Variants in SMOC2 observed in about 807,000 individuals in gnomAD.
SMOC2 encodes the protein SPARC-related modular calcium-binding protein 2.
A neutral mutation model predicts 61.4 loss-of-function variants in SMOC2; 39 were observed. The ratio of observed to expected loss-of-function variants is 0.64; its 90% CI spans 0.49 to 0.83. The LOEUF (loss-of-function observed/expected upper bound fraction) is 0.83. Among genes scored for constraint, SMOC2 ranks in the 40% least tolerant of loss-of-function variants. SMOC2 has a pLI of 0.00. For missense variants in SMOC2, 556 were observed against 592.9 expected, an observed-to-expected ratio of 0.94 and a Z score of 0.65; for synonymous variants, 247 against 239.9, an observed-to-expected ratio of 1.03 and a Z score of -0.27.
chr6:168,442,796 ATTC>A (rs766143768), intron 1 of SMOC2, among the ~76,000 whole-genome samples: 31 of 152,162 alleles, frequency 2.0e-4, no homozygotes, highest in Non-Finnish European at 4.3e-4. Flanking sequence ...CATACCTCAA[ATTC>A]TTCTGCAGCA....
intron 8 of SMOC2, among the ~76,000 whole-genome samples, chr6:168,605,962 G>T (rs1481240588): frequency 6.6e-6 from 1 of 152,146 alleles, no homozygotes; most frequent in East Asian, 1.9e-4. Context: ...CCCTTCATAA[G>T]CCCTCGGGCA....
intron 2 of SMOC2, among the ~76,000 whole-genome samples, chr6:168,518,329 G>C (rs1783198215): frequency 6.6e-6 from 1 of 152,028 alleles, no homozygotes. Context: ...TTGCATGTGT[G>C]TATGCCTGAG....
At chr6:168,483,823 C>T (rs1782267417) in intron 1 of SMOC2, among the ~76,000 whole-genome samples, 3 of 152,072 alleles carry the variant, frequency 2.0e-5, no homozygotes. Flanking sequence ...ACAAGAGTTC[C>T]AAGGCCATTC....
chr6:168,475,506 G>A lies in SMOC2; in HGVS notation c.84+34052G>A, dbSNP rs1782058579. On this transcript the variant is annotated intron_variant, in intron 1 of 12. Coordinates refer to ENST00000356284, the MANE Select transcript of SMOC2 (RefSeq NM_001166412.2). The surrounding 1 kb of genome is among the most constrained non-coding windows in gnomAD (Gnocchi z 4.6). ...GGGCTCTGAGCAAGACGGGTGAGAT[G>A]TTCTGTAAACCTGTGGCAGGCTGGG... is the stretch of plus-strand genomic sequence containing the variant. Among the ~76,000 whole-genome samples, 1 of 152,132 alleles carries A rather than the reference G, an allele frequency of 6.6e-6. No individual in the cohort carries two copies.
chr6:168,458,800 G>A (rs1287976602), intron 1 of SMOC2, among the ~76,000 whole-genome samples: 1 of 152,170 alleles, frequency 6.6e-6, no homozygotes, highest in Non-Finnish European at 1.5e-5. Context: ...ACCCTGCAGT[G>A]GTCTGAACGC....
At chr6:168,451,140 A>G (rs544063853) in intron 1 of SMOC2, among the ~76,000 whole-genome samples, 1 of 152,194 alleles carries the variant, frequency 6.6e-6, no homozygotes, top group Non-Finnish European at 1.5e-5. Context: ...GGGAAAGCCC[A>G]GGAGAGCTGA....
chr6:168,543,034 G>A (rs1380993216), intron 4 of SMOC2, among the ~76,000 whole-genome samples: 1 of 152,146 alleles, frequency 6.6e-6, no homozygotes, highest in East Asian at 1.9e-4. Context: ...TGAAGAGGGG[G>A]AAGTGGATCC....
intron 1 of SMOC2, among the ~76,000 whole-genome samples, chr6:168,497,914 G>T (rs1046355543): frequency 6.6e-6 from 1 of 152,138 alleles, no homozygotes; most frequent in Non-Finnish European, 1.5e-5. Context: ...GAGACACAGG[G>T]CTGGAGGCTG....
chr6:168,609,386 G>A (rs529920830), intron 9 of SMOC2, among the ~76,000 whole-genome samples: 14 of 152,180 alleles, frequency 9.2e-5, no homozygotes, highest in African/African-American at 3.1e-4. Flanking sequence ...GTCCTTGTGT[G>A]AGCAATCAAC....
intron 7 of SMOC2, among the ~76,000 whole-genome samples, chr6:168,591,744 G>A (rs1785186085): frequency 1.3e-5 from 2 of 151,334 alleles, no homozygotes; most frequent in Admixed American, 1.3e-4. Flanking sequence ...GTCTTTTTCA[G>A]ATTATTTTTT....
In SMOC2 at chr6:168,573,532, G is replaced by A. The variant is rs963976349; in HGVS notation, c.637+24329G>A. ...CTGCTGGTGCTGCTGGTCCCTCTGT[G>A]TCTGTGTGTCCAGCCTGGGAGGAGG... is the stretch of plus-strand genomic sequence containing the variant. On this transcript the variant is annotated intron_variant, in intron 7 of 12. Transcript: ENST00000356284. 2.6e-5 allele frequency among the ~76,000 whole-genome samples: 4 copies of A among 152,298 alleles called. No homozygotes were observed. In the South Asian group the frequency reaches 6.2e-4, roughly 24 times the overall value.
intron 9 of SMOC2, among the ~76,000 whole-genome samples, chr6:168,635,569 C>G (rs1786693839): frequency 1.3e-5 from 2 of 152,246 alleles, no homozygotes; most frequent in African/African-American, 4.8e-5. Context: ...ATAAATCTTG[C>G]TGAGTCAAAA....
In SMOC2 at chr6:168,547,169, G is replaced by C. The variant is rs773071175; in HGVS notation, c.562G>C (p.Asp188His). Residue 188 changes from aspartate to histidine, a missense_variant and splice_region_variant, in exon 6 of 13, where the codon GAT becomes CAT. Coordinates refer to ENST00000356284, the MANE Select transcript of SMOC2 (RefSeq NM_001166412.2). ...LETQPQGDEE[D>H]IASRYPTLWT... ...GACTCAGCCTCAAGGAGATGAAGAA[G>C]GTGAGCCGGGGTGGGGATTGCACAG... 2.5e-6 allele frequency: 4 copies of C among 1,614,032 alleles called. No individual in the cohort carries two copies. Among genetic ancestry groups the C allele is most frequent in the Non-Finnish European group, 8.5e-7 (1 of 1,179,978 alleles).
intron 11 of SMOC2, among the ~76,000 whole-genome samples, chr6:168,661,583 C>G (rs9355076): frequency 6.6e-6 from 1 of 152,050 alleles, no homozygotes; most frequent in Non-Finnish European, 1.5e-5. Context: ...TCCTGGGTGG[C>G]AGAGTGAGAC....
At chr6:168,576,381 T>A (rs978933140) in intron 7 of SMOC2, among the ~76,000 whole-genome samples, 1 of 152,136 alleles carries the variant, frequency 6.6e-6, no homozygotes, top group Non-Finnish European at 1.5e-5. Context: ...CTAAGCACGT[T>A]GTGATCTGAG....
intron 3 of SMOC2, 80 bp downstream of exon 3, chr6:168,526,532 T>A: frequency 8.5e-7 from 1 of 1,176,040 alleles, no homozygotes; most frequent in Non-Finnish European, 1.3e-6. Context: ...AGAAGGCAGG[T>A]GGGGGGAGCC....
intron 1 of SMOC2, among the ~76,000 whole-genome samples, chr6:168,442,572 G>C (rs1316615154): frequency 6.6e-6 from 1 of 152,288 alleles, no homozygotes; most frequent in Non-Finnish European, 1.5e-5. Flanking sequence ...GAACGCCTCT[G>C]GTGGACAGCC....
At chr6:168,650,194 G>A (rs1236834673) in intron 9 of SMOC2, among the ~76,000 whole-genome samples, 1 of 152,176 alleles carries the variant, frequency 6.6e-6, no homozygotes, top group Non-Finnish European at 1.5e-5. Context: ...CCAGGAGACG[G>A]GCGTTGGGGA....
At chr6:168,648,971 C>T (rs952762782) in intron 9 of SMOC2, among the ~76,000 whole-genome samples, 9 of 152,080 alleles carry the variant, frequency 5.9e-5, no homozygotes, top group African/African-American at 2.2e-4. Flanking sequence ...TGCCCTTGAC[C>T]CAGGGGTGGT....
Sources: gnomAD v4.1 joint callset for allele counts (sites outside exome capture counted in the v4.1 genomes callset) on GRCh38, gnomAD v4.1.1 for gene constraint, Gnocchi (gnomAD v3.1) non-coding constraint, MANE v1.5 for transcripts, NCBI Gene and HGNC (gene_info 2026-07-23, HGNC 2026-07-21) for gene names.